JAKMIP1: variants seen among roughly 807,000 people sequenced by gnomAD.
JAKMIP1 encodes janus kinase and microtubule-interacting protein 1.
A neutral mutation model predicts 113.0 loss-of-function variants in JAKMIP1; 33 were observed. The ratio of observed to expected loss-of-function variants is 0.29; its 90% CI spans 0.22 to 0.39. The LOEUF is 0.39. Among genes scored for constraint, JAKMIP1 ranks in the 10% least tolerant of loss-of-function variants. JAKMIP1 has a pLI of 1.00. For synonymous variants in JAKMIP1, 480 were observed against 459.9 expected (o/e 1.04, Z -0.56); for missense variants, 813 against 1,080.5 (o/e 0.75, Z 3.47).
intron 1 of JAKMIP1, among the ~76,000 whole-genome samples, chr4:6,128,663 C>T (rs115902378): frequency 0.015 from 2,260 of 152,282 alleles, 28 homozygotes; most frequent in South Asian, 0.037. Context: ...CTCCGGGGCT[C>T]GCTCCCCACG....
At chr4:6,068,381 G>C (rs1718470700) in intron 8 of JAKMIP1, among the ~76,000 whole-genome samples, 1 of 152,094 alleles carries the variant, frequency 6.6e-6, no homozygotes, top group Non-Finnish European at 1.5e-5. Flanking sequence ...GAGGGAAAGA[G>C]GAAGCAGCTC....
In JAKMIP1 at chr4:6,113,578, TGA is replaced by T. The variant is rs538999259; in HGVS notation, c.-147-583_-147-582del. ...CACCCAGTGTTACAGATGAGGAAACTGAGACACACAGAGGTTGACTGCTGGTG... is the reference window on the plus strand; with the variant it reads ...CACCCAGTGTTACAGATGAGGAAACTGACACACAGAGGTTGACTGCTGGTG... On this transcript the variant is annotated intron_variant, in intron 1 of 20. Coordinates refer to ENST00000409021, the MANE Select transcript of JAKMIP1 (RefSeq NM_001099433.2). Among the ~76,000 whole-genome samples, 32 of 152,308 alleles carry T rather than the reference TGA, an allele frequency of 2.1e-4. 1 individual carries two copies. The East Asian group carries it at 6.2e-3, about 29-fold the overall frequency.
intron 3 of JAKMIP1, among the ~76,000 whole-genome samples, chr4:6,100,006 T>C (rs1409176177): frequency 6.6e-6 from 1 of 152,204 alleles, no homozygotes; most frequent in African/African-American, 2.4e-5. Flanking sequence ...TTGTGTGCTG[T>C]TCTTCCTCTT....
intron 1 of JAKMIP1, among the ~76,000 whole-genome samples, chr4:6,175,805 C>T (rs1285322049): frequency 6.6e-6 from 1 of 152,178 alleles, no homozygotes; most frequent in African/African-American, 2.4e-5. Flanking sequence ...GTAGCAGATG[C>T]CTTGGAACTC....
Position 6,068,561 on chromosome 4 carries a change from T to TC in JAKMIP1, c.1303-3554_1303-3553insG, listed in dbSNP as rs1553815109. ...GGTATTTTTAAAAATTTTTTAACTT[T>TC]TTTTTTTTTTTTTTGAGACAGAATC... On this transcript the variant is annotated intron_variant, in intron 8 of 20. Coordinates refer to ENST00000409021, the MANE Select transcript of JAKMIP1 (RefSeq NM_001099433.2). Among the ~76,000 whole-genome samples, 25 of 149,716 alleles carry TC rather than the reference T, an allele frequency of 1.7e-4. No homozygotes were observed. In the South Asian group the frequency reaches 5.4e-3, roughly 32 times the overall value.
chr4:6,085,880 T>A (rs1029001777), intron 3 of JAKMIP1, among the ~76,000 whole-genome samples: 1 of 152,202 alleles, frequency 6.6e-6, no homozygotes, highest in Admixed American at 6.5e-5. Context: ...ACATGCATAC[T>A]GACATCAGTG....
At chr4:6,118,272 T>C (rs1267947042) in intron 1 of JAKMIP1, among the ~76,000 whole-genome samples, 1 of 152,204 alleles carries the variant, frequency 6.6e-6, no homozygotes, top group Non-Finnish European at 1.5e-5. Context: ...GTCCCTGACT[T>C]CCCGCAACAG....
intron 1 of JAKMIP1, among the ~76,000 whole-genome samples, chr4:6,131,982 A>T (rs1312252067): frequency 1.3e-5 from 2 of 152,262 alleles, no homozygotes; most frequent in African/African-American, 2.4e-5. Flanking sequence ...AGGGAAAATG[A>T]CAAAGGTCAG....
rs1480732838 is a variant in JAKMIP1, at chr4:6,040,632, G to T, written c.2175+7C>A. The T allele has an allele frequency of 1.9e-6, 3 of 1,607,698 alleles. No individual in the cohort carries two copies. The Admixed American group carries it at 5.0e-5, about 27-fold the overall frequency. On this transcript the variant is annotated splice_region_variant and intron_variant, in intron 18 of 20. Coordinates refer to ENST00000409021, the MANE Select transcript of JAKMIP1 (RefSeq NM_001099433.2). This position sits in a 1 kb window ranked among gnomAD's most constrained non-coding sequence, Gnocchi z 5.8. ...AGCCAAAGTGTCAAACCCACTTCTG[G>T]TCCTACCAGGTAAGCCTGGTCAAGG...
At chr4:6,026,535 G>T (rs1298191981) in intron 20 of JAKMIP1, among the ~76,000 whole-genome samples, 1 of 152,120 alleles carries the variant, frequency 6.6e-6, no homozygotes, top group African/African-American at 2.4e-5. Flanking sequence ...TCATTCAGGG[G>T]AGATTGACAC....
intron 1 of JAKMIP1, among the ~76,000 whole-genome samples, chr4:6,166,624 C>A (rs749070341): frequency 6.6e-6 from 1 of 152,228 alleles, no homozygotes; most frequent in Non-Finnish European, 1.5e-5. Flanking sequence ...GTGTGTCATT[C>A]ATTATCTACT....
rs1277419343 is a variant in JAKMIP1 at position 6,034,999 on chromosome 4, A to G, written c.2379+905T>C. Among the ~76,000 whole-genome samples, 5 of 152,216 alleles carry G rather than the reference A, an allele frequency of 3.3e-5. No individual in the cohort carries two copies. In the South Asian group the frequency reaches 1.0e-3, roughly 32 times the overall value. On this transcript the variant is annotated intron_variant, in intron 19 of 20. Coordinates refer to ENST00000409021, the MANE Select transcript of JAKMIP1 (RefSeq NM_001099433.2). The stretch of plus-strand genomic sequence containing the variant: ...AGCATGCTGCTAGCAGATGGCCTTC[A>G]GGCTTGAAATACAACAACTCTTCCC...
chr4:6,183,240 A>G lies in JAKMIP1; in HGVS notation c.-148+17013T>C, dbSNP rs375081787. Among the ~76,000 whole-genome samples the G allele has an allele frequency of 7.9e-5, 12 of 152,106 alleles. No homozygotes were observed. Among genetic ancestry groups the G allele is most frequent in the African/African-American group, 2.7e-4 (11 of 41,414 alleles). On this transcript the variant is annotated intron_variant, in intron 1 of 20. Transcript: ENST00000409021. The surrounding 1 kb of genome is among the most constrained non-coding windows in gnomAD (Gnocchi z 5.3). ...ACGCCTGTAATTCCAGCACTTTGGGAGGCTGAGGCAGGCGCATCACCTGAG... is the reference window on the plus strand; with the variant it reads ...ACGCCTGTAATTCCAGCACTTTGGGGGGCTGAGGCAGGCGCATCACCTGAG...
In JAKMIP1 at chr4:6,055,036, GCCCTTGA is replaced by G. The variant is rs1430764261; in HGVS notation, c.1708-895_1708-889del. Among the ~76,000 whole-genome samples, 1,271 of 144,796 alleles carry G rather than the reference GCCCTTGA, an allele frequency of 8.8e-3. 20 individuals are homozygous for G. Among genetic ancestry groups the G allele is most frequent in the African/African-American group, 0.033 (1,222 of 36,816 alleles). 95.0% of individuals were successfully genotyped at this position (144,796 alleles called of 152,430 possible). A position where few individuals can be genotyped will look rare whatever the true frequency, so the allele number is the denominator to read the frequency against. On this transcript the variant is annotated intron_variant, in intron 12 of 20. Coordinates refer to ENST00000409021, the MANE Select transcript of JAKMIP1 (RefSeq NM_001099433.2). ...TGTCCCAAATGCCCTTGTCCCAAAT[GCCCTTGA>G]GAAATGCAGGGAAGGGAATGGGGCC...
intron 1 of JAKMIP1, among the ~76,000 whole-genome samples, chr4:6,149,722 G>T (rs73075434): frequency 0.025 from 3,861 of 152,024 alleles, 157 homozygotes; most frequent in African/African-American, 0.088. Flanking sequence ...TCTGGCCAGG[G>T]CCCTGCACCT....
intron 1 of JAKMIP1, among the ~76,000 whole-genome samples, chr4:6,171,280 GTCA>G (rs1210409885): frequency 7.0e-6 from 1 of 142,786 alleles, no homozygotes; most frequent in Non-Finnish European, 1.5e-5. Flanking sequence ...CCTCATCAAT[GTCA>G]TCACCACCAC....
rs144714217 is a variant in JAKMIP1 at position 6,143,974 on chromosome 4, C to T, written c.-147-30977G>A. Among the ~76,000 whole-genome samples the T allele has an allele frequency of 5.6e-3, 847 of 152,286 alleles. 5 individuals carry two copies. The highest frequency in any genetic ancestry group is 0.01 in the South Asian group (50 of 4,826). ...CCACAGCATCTGCCTCACAGGCATGCCAGGGGGTCAAAGCAGAGAGGCTCA... is the reference window on the plus strand; with the variant it reads ...CCACAGCATCTGCCTCACAGGCATGTCAGGGGGTCAAAGCAGAGAGGCTCA... On this transcript the variant is annotated intron_variant, in intron 1 of 20. Transcript: ENST00000409021. The surrounding 1 kb of genome is among the most constrained non-coding windows in gnomAD (Gnocchi z 4.9).
In JAKMIP1 at chr4:6,142,492, G is replaced by A. The variant is rs1360409362; in HGVS notation, c.-147-29495C>T. Among the ~76,000 whole-genome samples, 1 of 152,254 alleles carries A rather than the reference G, an allele frequency of 6.6e-6. No homozygotes were observed. Among genetic ancestry groups the A allele is most frequent in the Non-Finnish European group, 1.5e-5 (1 of 68,046 alleles). On this transcript the variant is annotated intron_variant, in intron 1 of 20. Coordinates refer to ENST00000409021, the MANE Select transcript of JAKMIP1 (RefSeq NM_001099433.2). The surrounding 1 kb of genome is among the most constrained non-coding windows in gnomAD (Gnocchi z 5.5). ...AAGTCCTACGTACACTCAGCAATAT[G>A]TAACAGTTAAGGGATTTTGCTTTTA...
intron 8 of JAKMIP1, among the ~76,000 whole-genome samples, chr4:6,070,584 G>C (rs1172866374): frequency 1.3e-5 from 2 of 152,336 alleles, no homozygotes; most frequent in East Asian, 3.9e-4. Context: ...CAACACCATG[G>C]CACAGGCCCT....
Sources: allele counts gnomAD v4.1 joint callset (sites outside exome capture counted in the v4.1 genomes callset), GRCh38; gene constraint gnomAD v4.1.1; non-coding constraint Gnocchi (gnomAD v3.1); transcripts MANE v1.5; gene names NCBI Gene and HGNC (gene_info 2026-07-23, HGNC 2026-07-21).